Variants in WDR17 observed in about 807,000 individuals in gnomAD.
WDR17 encodes WD repeat-containing protein 17.
In WDR17, 143 loss-of-function variants were observed where a neutral mutation model predicts 161.7. The ratio of observed to expected loss-of-function variants is 0.88; its 90% CI spans 0.77 to 1.02. WDR17 has a LOEUF of 1.02. Ranked by LOEUF, WDR17 falls within the 50% of genes least tolerant of loss-of-function variation. The pLI is 0.00. For missense variants in WDR17, 1,469 were observed against 1,520.9 expected, an observed-to-expected ratio of 0.97 and a Z score of 0.57; for synonymous variants, 517 against 515.6, an observed-to-expected ratio of 1.00 and a Z score of -0.04.
chr4:176,085,639 A>T (rs1342161544), intron 1 of WDR17, among the ~76,000 whole-genome samples: 2 of 151,866 alleles, frequency 1.3e-5, no homozygotes, highest in African/African-American at 2.4e-5. Flanking sequence ...TTCTATAGTG[A>T]TGTATTTTTT....
At chr4:176,085,132 A>AT (rs1350133790) in intron 1 of WDR17, among the ~76,000 whole-genome samples, 2 of 152,062 alleles carry the variant, frequency 1.3e-5, no homozygotes, top group Non-Finnish European at 2.9e-5. Context: ...CTTTTCATAC[A>AT]TAAAAAAAAT....
At chr4:176,110,631 C>T (rs750191610) in intron 1 of WDR17, among the ~76,000 whole-genome samples, 5 of 152,192 alleles carry the variant, frequency 3.3e-5, no homozygotes, top group South Asian at 4.1e-4. Flanking sequence ...CATAGACTTA[C>T]AGCCTCACCA....
At chr4:176,169,177 A>C (rs989181603) in intron 23 of WDR17, among the ~76,000 whole-genome samples, 1 of 152,154 alleles carries the variant, frequency 6.6e-6, no homozygotes, top group African/African-American at 2.4e-5. Context: ...TTGTAGGATA[A>C]ATTTTTAAAA....
chr4:176,152,060 C>CGGCCGGGCGCGGT, intron 17 of WDR17, 93 bp downstream of exon 17: 1 of 1,372,428 alleles, frequency 7.3e-7, no homozygotes, highest in Non-Finnish European at 9.7e-7. Context: ...ATAAAAAGCT[C>CGGCCGGGCGCGGT]AGCACTTTGG....
chr4:176,083,525 A>G (rs1735023390), intron 1 of WDR17, among the ~76,000 whole-genome samples: 1 of 152,112 alleles, frequency 6.6e-6, no homozygotes, highest in Non-Finnish European at 1.5e-5. Flanking sequence ...GGTTGCATGT[A>G]GTTGTTACTT....
chr4:176,151,123 G>A (rs886483453), intron 16 of WDR17, among the ~76,000 whole-genome samples: 1 of 152,212 alleles, frequency 6.6e-6, no homozygotes, highest in South Asian at 2.1e-4. Context: ...TGCCAGAGAT[G>A]TGGATCTAAT....
At chr4:176,067,698 A>G (rs980658189) in intron 1 of WDR17, among the ~76,000 whole-genome samples, 1 of 152,206 alleles carries the variant, frequency 6.6e-6, no homozygotes, top group African/African-American at 2.4e-5. Flanking sequence ...CAGAAAAACA[A>G]TGCTCCCAGT....
At chr4:176,137,412 G>T in intron 8 of WDR17, 108 bp from the exon 9 acceptor site, 1 of 770,474 alleles carries the variant, frequency 1.3e-6, no homozygotes, top group Non-Finnish European at 2.1e-6. Flanking sequence ...AAAAATTAAA[G>T]AACTAGTCTG....
chr4:176,158,171 T>C (rs553360549), intron 18 of WDR17, among the ~76,000 whole-genome samples: 2 of 152,322 alleles, frequency 1.3e-5, no homozygotes, highest in African/African-American at 4.8e-5. Flanking sequence ...TCATTTAGAA[T>C]ATCCGCACAA....
chr4:176,102,874 C>T (rs1014192280), intron 1 of WDR17, among the ~76,000 whole-genome samples: 1 of 152,200 alleles, frequency 6.6e-6, no homozygotes, highest in Non-Finnish European at 1.5e-5. Flanking sequence ...TCCCTCACCT[C>T]AAGCCCCAGG....
intron 18 of WDR17, among the ~76,000 whole-genome samples, chr4:176,159,712 GC>G (rs1244076040): frequency 1.3e-5 from 2 of 151,960 alleles, no homozygotes; most frequent in Non-Finnish European, 2.9e-5. Context: ...TAAATTAATT[GC>G]CCATTTTAAT....
At chr4:176,177,026 A>C in intron 26 of WDR17, 32 bp from the exon 27 acceptor site, 1 of 1,504,436 alleles carries the variant, frequency 6.6e-7, no homozygotes, top group Non-Finnish European at 9.2e-7. Context: ...AGTTTTTGGT[A>C]TCAGATGTTA....
chr4:176,111,470 T>C, intron 1 of WDR17, 105 bp from the exon 2 acceptor site: 4 of 1,290,384 alleles, frequency 3.1e-6, no homozygotes, highest in Non-Finnish European at 4.1e-6. Flanking sequence ...TAGTAAAATG[T>C]TTTTCAGGGC....
At chr4:176,078,184 G>T (rs1291513540) in intron 1 of WDR17, among the ~76,000 whole-genome samples, 1 of 151,720 alleles carries the variant, frequency 6.6e-6, no homozygotes, top group Non-Finnish European at 1.5e-5. Flanking sequence ...GCCTACTAAT[G>T]GATAGTGGAT....
chr4:176,153,462 G>A (rs1747562527), intron 17 of WDR17, among the ~76,000 whole-genome samples: 1 of 152,110 alleles, frequency 6.6e-6, no homozygotes, highest in African/African-American at 2.4e-5. Flanking sequence ...GGGAGAATGG[G>A]GCTTCTGTTT....
intron 1 of WDR17, among the ~76,000 whole-genome samples, chr4:176,082,501 A>G (rs958859334): frequency 6.6e-6 from 1 of 152,098 alleles, no homozygotes; most frequent in East Asian, 1.9e-4. Context: ...ACAGTGGCTT[A>G]AAAGTCCAGG....
intron 1 of WDR17, among the ~76,000 whole-genome samples, chr4:176,078,966 T>C (rs1327510268): frequency 6.6e-6 from 1 of 152,060 alleles, no homozygotes; most frequent in Non-Finnish European, 1.5e-5. Context: ...GAACACTAGA[T>C]CTTATTCCTT....
At chr4:176,161,051 C>G in intron 20 of WDR17, 49 bp downstream of exon 20, 1 of 1,502,830 alleles carries the variant, frequency 6.7e-7, no homozygotes, top group Non-Finnish European at 9.0e-7. Flanking sequence ...GTTGTCTTCC[C>G]TTTAGGAATT....
At chr4:176,167,273 C>G (rs1169627828) in intron 22 of WDR17, among the ~76,000 whole-genome samples, 1 of 152,152 alleles carries the variant, frequency 6.6e-6, no homozygotes, top group Non-Finnish European at 1.5e-5. Context: ...GGCCCCAGCA[C>G]ACAGCTTTAT....
Sources: allele counts gnomAD v4.1 joint callset (sites outside exome capture counted in the v4.1 genomes callset), GRCh38; gene constraint gnomAD v4.1.1; transcripts MANE v1.5; gene names NCBI Gene and HGNC (gene_info 2026-07-23, HGNC 2026-07-21).